DLGAP4: variants seen among roughly 807,000 people sequenced by gnomAD.
DLGAP4 encodes the protein disks large-associated protein 4.
DLGAP4 carries 18 observed loss-of-function variants against 86.9 expected under a neutral mutation model. That is an observed-to-expected ratio of 0.21 (90% CI 0.14 to 0.31). The LOEUF (loss-of-function observed/expected upper bound fraction) is 0.31, where lower values mean the gene tolerates loss of function less well. Among genes scored for constraint, DLGAP4 ranks in the 10% least tolerant of loss-of-function variants. The pLI, the probability that DLGAP4 is intolerant of heterozygous loss-of-function variation, is 1.00. For synonymous variants in DLGAP4, 548 were observed against 574.3 expected (o/e 0.95, Z 0.65); for missense variants, 1,085 against 1,362.6 (o/e 0.80, Z 3.21).
rs772350950 is a variant in DLGAP4 at position 36,524,317 on chromosome 20, C to T, written c.2580C>T (p.Phe860=). ...TGATGTCCCAGAAATTCCAGCAGTT[C>T]CGGGGCCTCTGTGAGCAAAACTTGG... is the stretch of plus-strand genomic sequence containing the variant. ...QLLMSQKFQQ[F]RGLCEQNLNP... The change falls in exon 11 of 13, where the codon TTC becomes TTT. Residue 860 remains phenylalanine, a synonymous_variant. Coordinates refer to ENST00000339266, the MANE Select transcript of DLGAP4 (RefSeq NM_001365621.2). 91 of 1,613,570 alleles carry T rather than the reference C, an allele frequency of 5.6e-5. No homozygotes were observed. The highest frequency in any genetic ancestry group is 7.5e-5 in the Non-Finnish European group (89 of 1,179,840).
intron 10 of DLGAP4, among the ~76,000 whole-genome samples, chr20:36,520,505 C>G (rs2081190652): frequency 6.6e-6 from 1 of 152,012 alleles, no homozygotes; most frequent in Admixed American, 6.6e-5. Flanking sequence ...GCGTCACCAG[C>G]CTAGCTAATT....
chr20:36,335,602 C>T (rs2065313421), intron 1 of DLGAP4, among the ~76,000 whole-genome samples: 1 of 152,174 alleles, frequency 6.6e-6, no homozygotes, highest in Admixed American at 6.5e-5. Flanking sequence ...GACACAGCTG[C>T]TCCGGACACA....
intron 7 of DLGAP4, among the ~76,000 whole-genome samples, chr20:36,458,344 C>CTTTT (rs1173496431): frequency 5.5e-4 from 50 of 91,424 alleles, no homozygotes; most frequent in Non-Finnish European, 7.3e-4. Context: ...AACCCCATAT[C>CTTTT]TTTTTTTTTT....
At chr20:36,428,918 C>T (rs1339155127) in intron 2 of DLGAP4, among the ~76,000 whole-genome samples, 1 of 152,070 alleles carries the variant, frequency 6.6e-6, no homozygotes, top group Non-Finnish European at 1.5e-5. Flanking sequence ...CCTTGGCCTC[C>T]CAAAGTGCTG....
intron 1 of DLGAP4, among the ~76,000 whole-genome samples, chr20:36,330,697 C>A (rs897383849): frequency 6.6e-6 from 1 of 151,858 alleles, no homozygotes; most frequent in Non-Finnish European, 1.5e-5. Flanking sequence ...CTCAGCCTCC[C>A]GAGTAGCTGG....
chr20:36,436,138 C>T lies in DLGAP4; in HGVS notation c.1029C>T (p.Thr343=). Residue 343 remains threonine, a synonymous_variant, in exon 4 of 13, where the codon ACC becomes ACT. Coordinates refer to ENST00000339266, the MANE Select transcript of DLGAP4 (RefSeq NM_001365621.2). ...QVPGGGGEWS[T]TLLSPRETDA... is the part of the protein sequence containing the mutation. ...CCGGCGGCGGCGGCGAGTGGAGCAC[C>T]ACGCTGCTGTCCCCACGCGAGACGG... 6 of 1,589,356 alleles carry T rather than the reference C, an allele frequency of 3.8e-6. No individual in the cohort carries two copies. The South Asian group carries it at 5.6e-5, about 15-fold the overall frequency.
At chr20:36,349,053 A>G (rs868980113) in intron 1 of DLGAP4, among the ~76,000 whole-genome samples, 18 of 136,044 alleles carry the variant, frequency 1.3e-4, no homozygotes, top group Non-Finnish European at 1.4e-4. Flanking sequence ...TAGTGAGCCA[A>G]GATTGAGCCA....
At position 36,324,883 on chromosome 20, in the gene DLGAP4, T is replaced by C. The variant is rs141085181; in HGVS notation, c.-304+18371T>C. On this transcript the variant is annotated intron_variant, in intron 1 of 12. Transcript: ENST00000339266. ...AGACTGGGTACATATTTTTCAATGGTATTGATCTTTTTGAAGGACAGCTTT... is the reference window on the plus strand; with the variant it reads ...AGACTGGGTACATATTTTTCAATGGCATTGATCTTTTTGAAGGACAGCTTT... 3.2e-4 allele frequency among the ~76,000 whole-genome samples: 49 copies of C among 152,328 alleles called. 2 individuals are homozygous for C. The East Asian group carries it at 9.4e-3, about 29-fold the overall frequency.
chr20:36,364,474 T>A (rs556650923), intron 1 of DLGAP4, among the ~76,000 whole-genome samples: 4 of 152,198 alleles, frequency 2.6e-5, no homozygotes, highest in Non-Finnish European at 4.4e-5. Context: ...ATTTACAGGG[T>A]TGTGTATCTG....
intron 1 of DLGAP4, among the ~76,000 whole-genome samples, chr20:36,307,196 G>C (rs1223862013): frequency 3.3e-5 from 5 of 152,172 alleles, no homozygotes; most frequent in Non-Finnish European, 5.9e-5. Context: ...TGGGCTGGGG[G>C]GGCACTCACA....
chr20:36,472,664 C>G lies in DLGAP4; in HGVS notation c.1649-24041C>G, dbSNP rs560811494. On this transcript the variant is annotated intron_variant, in intron 7 of 12. Transcript: ENST00000339266. ...TGGATTAGAAGCCAGGCATTTGACT[C>G]TCCTAGTCCTTAACTCTCAACATCT... Among the ~76,000 whole-genome samples the G allele has an allele frequency of 1.1e-4, 17 of 152,178 alleles. 1 individual carries two copies. The South Asian group carries it at 3.5e-3, about 32-fold the overall frequency.
chr20:36,442,953 T>C (rs901186744), intron 6 of DLGAP4, among the ~76,000 whole-genome samples, 176 bp downstream of exon 6: 5 of 152,204 alleles, frequency 3.3e-5, no homozygotes, highest in Admixed American at 1.3e-4. Flanking sequence ...GACTCTCCAC[T>C]CCCTACCCTT....
At chr20:36,473,225 T>C (rs2034753209) in intron 7 of DLGAP4, 1 of 152,252 alleles carries the variant, frequency 6.6e-6, no homozygotes, top group Non-Finnish European at 1.5e-5. Flanking sequence ...TTTTGGTCAC[T>C]GTGGGCACTT....
At chr20:36,427,501 G>GGGGA (rs1555901245) in intron 2 of DLGAP4, among the ~76,000 whole-genome samples, 1 of 150,240 alleles carries the variant, frequency 6.7e-6, no homozygotes, top group African/African-American at 2.5e-5. Context: ...GAGGGAGGGA[G>GGGGA]GGAAGGAAGG....
intron 1 of DLGAP4, among the ~76,000 whole-genome samples, chr20:36,358,089 C>T (rs2030390112): frequency 6.6e-6 from 1 of 152,202 alleles, no homozygotes; most frequent in African/African-American, 2.4e-5. Flanking sequence ...TCTTGGCTGC[C>T]ATGTCCCGGG....
rs1203471650 is a variant in DLGAP4, at chr20:36,431,681, C to G, written c.-37C>G. ...GCCCGGGAGAGGTGACCCGGGCGCCCTGCTAGGGTGAAGGCCCCTGCCCTC... is the reference window on the plus strand; with the variant it reads ...GCCCGGGAGAGGTGACCCGGGCGCCGTGCTAGGGTGAAGGCCCCTGCCCTC... On this transcript the variant is annotated 5_prime_UTR_variant, in exon 3 of 13. Transcript: ENST00000339266. The surrounding 1 kb of genome is among the most constrained non-coding windows in gnomAD (Gnocchi z 5.1). 2.0e-5 allele frequency: 31 copies of G among 1,539,552 alleles called. No individual in the cohort carries two copies. Among genetic ancestry groups the G allele is most frequent in the Non-Finnish European group, 2.5e-5 (28 of 1,142,464 alleles).
intron 2 of DLGAP4, among the ~76,000 whole-genome samples, chr20:36,406,844 C>T (rs1260966632): frequency 6.6e-6 from 1 of 152,076 alleles, no homozygotes; most frequent in Non-Finnish European, 1.5e-5. Context: ...TCTAGCCAAC[C>T]CCCACATTGC....
rs571153946 is a variant in DLGAP4, at chr20:36,348,247, A to G, written c.-303-18798A>G. Among the ~76,000 whole-genome samples the G allele has an allele frequency of 2.0e-5, 3 of 152,340 alleles. No individual in the cohort carries two copies. The South Asian group carries it at 6.2e-4, about 32-fold the overall frequency. On this transcript the variant is annotated intron_variant, in intron 1 of 12. Transcript: ENST00000339266. ...AGGAAGGAGGAGATATGGGGGGACA[A>G]TTAGCAATGCCTGCCATGCTGTTTC...
At chr20:36,503,649 C>T (rs377511200) in intron 10 of DLGAP4, among the ~76,000 whole-genome samples, 4 of 151,958 alleles carry the variant, frequency 2.6e-5, no homozygotes, top group African/African-American at 4.8e-5. Flanking sequence ...CAACCACGCC[C>T]GGGTAATTTT....
Sources: gnomAD v4.1 joint callset for allele counts (sites outside exome capture counted in the v4.1 genomes callset) on GRCh38, gnomAD v4.1.1 for gene constraint, Gnocchi (gnomAD v3.1) non-coding constraint, MANE v1.5 for transcripts, NCBI Gene and HGNC (gene_info 2026-07-23, HGNC 2026-07-21) for gene names.